NLK: variants seen among roughly 807,000 people sequenced by gnomAD.
NLK encodes serine/threonine-protein kinase NLK.
In NLK, 11 loss-of-function variants were observed where a neutral mutation model predicts 59.0. The observed-to-expected ratio is 0.19, with a 90% confidence interval of 0.12 to 0.31. The LOEUF (loss-of-function observed/expected upper bound fraction) is 0.31, where lower values mean the gene tolerates loss of function less well. Among genes scored for constraint, NLK ranks in the 10% least tolerant of loss-of-function variants. NLK has a pLI of 1.00. For synonymous variants in NLK, 235 were observed against 235.9 expected (o/e 1.00, Z 0.03); for missense variants, 410 against 661.1 (o/e 0.62, Z 4.16).
chr17:28,046,338 A>G (rs888807115), intron 1 of NLK, among the ~76,000 whole-genome samples: 3 of 152,234 alleles, frequency 2.0e-5, no homozygotes, highest in Admixed American at 1.3e-4. Context: ...TGACAGTTCA[A>G]TTAAGGTTTC....
chr17:28,068,914 A>T (rs751515609), intron 1 of NLK, among the ~76,000 whole-genome samples: 1 of 152,180 alleles, frequency 6.6e-6, no homozygotes, highest in Non-Finnish European at 1.5e-5. Context: ...CCTGGGCTCA[A>T]GCGATCCTCA....
intron 2 of NLK, among the ~76,000 whole-genome samples, chr17:28,129,324 A>G (rs1038062310): frequency 6.6e-6 from 1 of 152,106 alleles, no homozygotes; most frequent in Non-Finnish European, 1.5e-5. Context: ...ATGGTGGCGC[A>G]TGCCCGTAGT....
At chr17:28,150,461 A>G (rs1223173662) in intron 3 of NLK, among the ~76,000 whole-genome samples, 5 of 152,162 alleles carry the variant, frequency 3.3e-5, no homozygotes, top group African/African-American at 1.2e-4. Flanking sequence ...CTGACTGGGA[A>G]TGTGACCTTA....
chr17:28,076,779 G>A (rs937938179), intron 1 of NLK, among the ~76,000 whole-genome samples: 2 of 152,130 alleles, frequency 1.3e-5, no homozygotes, highest in Non-Finnish European at 2.9e-5. Flanking sequence ...GAGAGGGTTA[G>A]TATCATTGGT....
At chr17:28,168,872 A>G (rs1215496641) in intron 6 of NLK, among the ~76,000 whole-genome samples, 1 of 151,966 alleles carries the variant, frequency 6.6e-6, no homozygotes, top group Non-Finnish European at 1.5e-5. Flanking sequence ...GAGTTTATTT[A>G]TGTATTTATT....
intron 1 of NLK, among the ~76,000 whole-genome samples, chr17:28,054,367 C>G (rs747500034): frequency 6.6e-6 from 1 of 152,204 alleles, no homozygotes; most frequent in Non-Finnish European, 1.5e-5. Context: ...TTTAAAAACA[C>G]AAGCTAATTA....
At chr17:28,162,457 A>T (rs1567732853) in intron 4 of NLK, among the ~76,000 whole-genome samples, 1 of 151,608 alleles carries the variant, frequency 6.6e-6, no homozygotes, top group Non-Finnish European at 1.5e-5. Context: ...ACATGGCAAA[A>T]CTCCATCTCT....
chr17:28,162,017 A>G (rs999043150), intron 4 of NLK, among the ~76,000 whole-genome samples: 1 of 151,938 alleles, frequency 6.6e-6, no homozygotes, highest in African/African-American at 2.4e-5. Context: ...ATGAAAACAC[A>G]TAAGCAATTT....
chr17:28,146,108 A>C (rs754318282), intron 3 of NLK, among the ~76,000 whole-genome samples: 1 of 152,080 alleles, frequency 6.6e-6, no homozygotes, highest in Non-Finnish European at 1.5e-5. Context: ...ACATTCATAC[A>C]TTTTGAAAAA....
chr17:28,138,975 G>T (rs1200723048), intron 3 of NLK, among the ~76,000 whole-genome samples: 4 of 152,182 alleles, frequency 2.6e-5, no homozygotes, highest in Non-Finnish European at 5.9e-5. Context: ...AAAAGAACTG[G>T]CCAGGCACAG....
chr17:28,092,472 A>G (rs1165736434), intron 1 of NLK, among the ~76,000 whole-genome samples: 2 of 152,146 alleles, frequency 1.3e-5, no homozygotes, highest in Admixed American at 6.5e-5. Flanking sequence ...TTCTCTTTGG[A>G]GGAAGCCATA....
At chr17:28,120,545 G>T (rs754595538) in intron 1 of NLK, among the ~76,000 whole-genome samples, 15 of 152,126 alleles carry the variant, frequency 9.9e-5, no homozygotes, top group Non-Finnish European at 1.5e-4. Flanking sequence ...GAGCCCAAGA[G>T]TTCCAAGCTG....
chr17:28,135,414 G>A (rs1033823100), intron 3 of NLK, among the ~76,000 whole-genome samples: 1 of 152,136 alleles, frequency 6.6e-6, no homozygotes, highest in African/African-American at 2.4e-5. Context: ...CCCTCCAGAG[G>A]TCAAACTAAT....
At chr17:28,077,051 T>G (rs1910181761) in intron 1 of NLK, among the ~76,000 whole-genome samples, 1 of 151,364 alleles carries the variant, frequency 6.6e-6, no homozygotes, top group Non-Finnish European at 1.5e-5. Flanking sequence ...TCCCTTTCTT[T>G]GCTTTGTACT....
chr17:28,062,294 A>T (rs1218659917), intron 1 of NLK, among the ~76,000 whole-genome samples: 1 of 152,094 alleles, frequency 6.6e-6, no homozygotes, highest in Non-Finnish European at 1.5e-5. Context: ...TTCTGTGTCT[A>T]ATACTAACTT....
intron 1 of NLK, among the ~76,000 whole-genome samples, chr17:28,071,470 A>G (rs1459144985): frequency 7.0e-6 from 1 of 141,978 alleles, no homozygotes; most frequent in Admixed American, 7.1e-5. Context: ...TTTGTCAACC[A>G]CTCTGATCTC....
chr17:28,179,872 G>GTTTTTTGT (rs1908831907), intron 7 of NLK, among the ~76,000 whole-genome samples: 1 of 79,412 alleles, frequency 1.3e-5, no homozygotes, highest in Non-Finnish European at 2.4e-5. Flanking sequence ...AGCATTCTTG[G>GTTTTTTGT]TTTTTTTTTT....
At chr17:28,165,736 G>A (rs983425623) in intron 5 of NLK, among the ~76,000 whole-genome samples, 2 of 152,056 alleles carry the variant, frequency 1.3e-5, no homozygotes, top group Admixed American at 6.6e-5. Context: ...TAAAAATGAC[G>A]AAATCATACT....
At chr17:28,052,376 T>C (rs1015364325) in intron 1 of NLK, among the ~76,000 whole-genome samples, 7 of 152,206 alleles carry the variant, frequency 4.6e-5, no homozygotes, top group Non-Finnish European at 1.0e-4. Flanking sequence ...CAAATTTCTT[T>C]CCAGGAGTCT....
Sources: allele counts gnomAD v4.1 joint callset (sites outside exome capture counted in the v4.1 genomes callset), GRCh38; gene constraint gnomAD v4.1.1; transcripts MANE v1.5; gene names NCBI Gene and HGNC (gene_info 2026-07-23, HGNC 2026-07-21).